The following GALNTL6 variants were observed in gnomAD, a reference collection of about 807,000 sequenced individuals.
GALNTL6 encodes the protein polypeptide N-acetylgalactosaminyltransferase like 6, also known as polypeptide N-acetylgalactosaminyltransferase-like 6.
GALNTL6 carries 46 observed loss-of-function variants against 73.7 expected under a neutral mutation model. The ratio of observed to expected loss-of-function variants is 0.62; its 90% confidence interval spans 0.49 to 0.80. The LOEUF is 0.80. Ranked by LOEUF, GALNTL6 falls within the 30% of genes least tolerant of loss-of-function variation. GALNTL6 has a pLI of 0.00. For synonymous variants in GALNTL6, 259 were observed against 263.7 expected, an observed-to-expected ratio of 0.98 and a Z score of 0.17; for missense variants, 604 against 755.0, an observed-to-expected ratio of 0.80 and a Z score of 2.34.
chr4:171,901,150 G>A (rs759551972), intron 2 of GALNTL6, among the ~76,000 whole-genome samples: 1 of 152,070 alleles, frequency 6.6e-6, no homozygotes, highest in Non-Finnish European at 1.5e-5. Flanking sequence ...ACTAAAAGAC[G>A]GAAATGTTGA....
At chr4:172,313,356 C>T (rs1416523850) in intron 4 of GALNTL6, among the ~76,000 whole-genome samples, 1 of 152,042 alleles carries the variant, frequency 6.6e-6, no homozygotes, top group Non-Finnish European at 1.5e-5. Context: ...ATCTCCTGAC[C>T]TCGTGATCCG....
At chr4:172,494,686 G>A (rs1734012601) in intron 5 of GALNTL6, among the ~76,000 whole-genome samples, 1 of 152,200 alleles carries the variant, frequency 6.6e-6, no homozygotes, top group Non-Finnish European at 1.5e-5. Context: ...ACTGGCATAA[G>A]TCCAAGAGAG....
At chr4:172,539,852 T>C (rs1276264891) in intron 5 of GALNTL6, among the ~76,000 whole-genome samples, 1 of 140,448 alleles carries the variant, frequency 7.1e-6, no homozygotes, top group Non-Finnish European at 1.5e-5. Context: ...TGAGATTTCA[T>C]ATATATATGA....
intron 2 of GALNTL6, among the ~76,000 whole-genome samples, chr4:172,051,112 C>T (rs148022202): frequency 1.3e-5 from 2 of 152,188 alleles, no homozygotes; most frequent in Non-Finnish European, 2.9e-5. Context: ...TTCCCTGACC[C>T]CCCTACAGGA....
At chr4:172,281,958 CT>C (rs1206675737) in intron 3 of GALNTL6, among the ~76,000 whole-genome samples, 2 of 151,468 alleles carry the variant, frequency 1.3e-5, no homozygotes, top group African/African-American at 4.9e-5. Flanking sequence ...CCTTAATTGA[CT>C]GATAGAATAC....
intron 2 of GALNTL6, among the ~76,000 whole-genome samples, chr4:171,970,192 C>T (rs1410540307): frequency 2.0e-5 from 3 of 148,554 alleles, no homozygotes; most frequent in African/African-American, 7.4e-5. Context: ...CCCAAAATCA[C>T]CGGCCATGAT....
intron 9 of GALNTL6, among the ~76,000 whole-genome samples, chr4:172,936,296 T>C (rs1243994418): frequency 6.6e-6 from 1 of 152,202 alleles, no homozygotes; most frequent in Non-Finnish European, 1.5e-5. Context: ...TAATGAGAGC[T>C]ATTTATGACA....
chr4:172,111,720 G>A (rs1460468885), intron 2 of GALNTL6, among the ~76,000 whole-genome samples: 1 of 151,934 alleles, frequency 6.6e-6, no homozygotes, highest in Non-Finnish European at 1.5e-5. Context: ...TTCATTTGTA[G>A]TACTACTACT....
At chr4:172,319,771 A>T (rs1740691266) in intron 4 of GALNTL6, among the ~76,000 whole-genome samples, 2 of 152,188 alleles carry the variant, frequency 1.3e-5, no homozygotes, top group South Asian at 4.1e-4. Context: ...TACTCCCCTG[A>T]CTTGATCCCT....
intron 5 of GALNTL6, among the ~76,000 whole-genome samples, chr4:172,700,957 A>G (rs199924304): frequency 1.3e-5 from 2 of 152,150 alleles, no homozygotes; most frequent in East Asian, 3.9e-4. Flanking sequence ...AGGAAAAAAA[A>G]GTGTTACATA....
intron 5 of GALNTL6, among the ~76,000 whole-genome samples, chr4:172,621,602 T>C (rs759321386): frequency 1.3e-5 from 2 of 152,244 alleles, no homozygotes; most frequent in Non-Finnish European, 2.9e-5. Context: ...GTTTATTTGC[T>C]TTTGTTTGTA....
intron 2 of GALNTL6, among the ~76,000 whole-genome samples, chr4:172,086,978 C>T (rs1732052063): frequency 6.6e-6 from 1 of 152,112 alleles, no homozygotes; most frequent in African/African-American, 2.4e-5. Context: ...TTAAGATGTG[C>T]ACATGAGAGT....
intron 5 of GALNTL6, among the ~76,000 whole-genome samples, chr4:172,546,976 T>C (rs577334713): frequency 4.2e-4 from 64 of 151,352 alleles, no homozygotes; most frequent in Non-Finnish European, 8.1e-4. Flanking sequence ...TGAAACTCTA[T>C]GCGTTCAACA....
At chr4:172,316,712 GAA>G (rs1191671429) in intron 4 of GALNTL6, among the ~76,000 whole-genome samples, 1 of 152,202 alleles carries the variant, frequency 6.6e-6, no homozygotes, top group Non-Finnish European at 1.5e-5. Flanking sequence ...GATTTGCTAT[GAA>G]AACATTCGCT....
intron 10 of GALNTL6, among the ~76,000 whole-genome samples, chr4:172,961,532 G>T (rs536675220): frequency 6.6e-6 from 1 of 152,172 alleles, no homozygotes; most frequent in South Asian, 2.1e-4. Flanking sequence ...GCATCCCCAC[G>T]TGATTACACA....
At chr4:172,260,694 G>A (rs1738228082) in intron 3 of GALNTL6, among the ~76,000 whole-genome samples, 1 of 151,450 alleles carries the variant, frequency 6.6e-6, no homozygotes, top group South Asian at 2.1e-4. Context: ...TTCTCAGGGA[G>A]AATGCTTTCA....
In GALNTL6 at chr4:172,780,339, G is replaced by A. The variant is rs1370299069; in HGVS notation, c.554-29022G>A. On this transcript the variant is annotated intron_variant, in intron 5 of 12. Transcript: ENST00000506823. ...CCAAAAGAAGAGATAAGTGAAGTTA[G>A]GAACTTTAAATTGTTGGTTAAATTG... is the stretch of plus-strand genomic sequence containing the variant. 4.6e-5 allele frequency among the ~76,000 whole-genome samples: 7 copies of A among 152,258 alleles called. No individual in the cohort carries two copies. In the East Asian group the frequency reaches 1.4e-3, roughly 29 times the overall value.
chr4:172,302,411 A>C (rs1229750427), intron 3 of GALNTL6, among the ~76,000 whole-genome samples: 1 of 152,082 alleles, frequency 6.6e-6, no homozygotes, highest in East Asian at 1.9e-4. Flanking sequence ...AGTGAGATGC[A>C]CCCAGTACCT....
intron 2 of GALNTL6, among the ~76,000 whole-genome samples, chr4:172,156,540 A>ATATATAC (rs58197299): frequency 2.4e-5 from 3 of 125,166 alleles, no homozygotes; most frequent in African/African-American, 1.0e-4. Context: ...ATATATATAT[A>ATATATAC]ATATATATAT....
Sources: allele counts gnomAD v4.1 joint callset (sites outside exome capture counted in the v4.1 genomes callset), GRCh38; gene constraint gnomAD v4.1.1; transcripts MANE v1.5; gene names NCBI Gene and HGNC (gene_info 2026-07-23, HGNC 2026-07-21).